KCNQ3: variants seen among roughly 807,000 people sequenced by gnomAD.
KCNQ3 encodes potassium voltage-gated channel subfamily Q member 3.
Under a neutral mutation model 92.5 loss-of-function variants are expected in KCNQ3, and 30 were observed. The ratio of observed to expected loss-of-function variants is 0.32; its 90% CI spans 0.24 to 0.44. The LOEUF (loss-of-function observed/expected upper bound fraction) is 0.44, where lower values mean the gene tolerates loss of function less well. Ranked by LOEUF, KCNQ3 falls within the 20% of genes least tolerant of loss-of-function variation. The probability of loss-of-function intolerance (pLI) is 1.00; values close to 1 mark genes in which losing one functional copy is unlikely to be tolerated. For synonymous variants in KCNQ3, 450 were observed against 468.8 expected, an observed-to-expected ratio of 0.96 and a Z score of 0.52; for missense variants, 913 against 1,140.3, an observed-to-expected ratio of 0.80 and a Z score of 2.87.
At chr8:132,221,326 T>C (rs1171981743) in intron 1 of KCNQ3, among the ~76,000 whole-genome samples, 1 of 152,244 alleles carries the variant, frequency 6.6e-6, no homozygotes, top group African/African-American at 2.4e-5. Flanking sequence ...TTTGGGTATA[T>C]ACCCAGTAAT....
chr8:132,308,161 G>T (rs1817487284), intron 1 of KCNQ3, among the ~76,000 whole-genome samples: 1 of 152,200 alleles, frequency 6.6e-6, no homozygotes, highest in Admixed American at 6.5e-5. Context: ...CCAGGTTTGA[G>T]GTTGAATAAA....
chr8:132,197,931 G>T (rs1827349063), intron 1 of KCNQ3, among the ~76,000 whole-genome samples: 1 of 152,196 alleles, frequency 6.6e-6, no homozygotes, highest in African/African-American at 2.4e-5. Context: ...TCAGAGTCCA[G>T]CTGTGGCAAG....
intron 9 of KCNQ3, among the ~76,000 whole-genome samples, chr8:132,154,193 G>GGTTTTTTTTTTTTTT: frequency 3.6e-5 from 1 of 27,494 alleles, no homozygotes; most frequent in East Asian, 1.2e-3. Context: ...AAGGGTAAAA[G>GGTTTTTTTTTTTTTT]TTTTTTTTTT....
intron 1 of KCNQ3, among the ~76,000 whole-genome samples, chr8:132,282,417 C>G (rs1488673893): frequency 6.6e-6 from 1 of 152,162 alleles, no homozygotes; most frequent in Non-Finnish European, 1.5e-5. Flanking sequence ...TGTTCCCAGT[C>G]CCATCTGTCC....
At chr8:132,455,649 TA>T (rs1821921940) in intron 1 of KCNQ3, among the ~76,000 whole-genome samples, 2 of 152,248 alleles carry the variant, frequency 1.3e-5, no homozygotes, top group Admixed American at 6.5e-5. Flanking sequence ...AGCAGATACT[TA>T]CACTCTCATT....
chr8:132,200,775 G>A (rs1043944980), intron 1 of KCNQ3, among the ~76,000 whole-genome samples: 14 of 152,118 alleles, frequency 9.2e-5, no homozygotes, highest in South Asian at 2.1e-4. Context: ...GTTATCATGC[G>A]TTTCTTCCTG....
At chr8:132,214,998 A>G (rs939028290) in intron 1 of KCNQ3, among the ~76,000 whole-genome samples, 3 of 152,240 alleles carry the variant, frequency 2.0e-5, no homozygotes, top group Non-Finnish European at 4.4e-5. Flanking sequence ...GGGACATGTG[A>G]TCACTTCCAA....
At chr8:132,298,687 A>C (rs754557299) in intron 1 of KCNQ3, among the ~76,000 whole-genome samples, 2 of 152,164 alleles carry the variant, frequency 1.3e-5, no homozygotes, top group Non-Finnish European at 2.9e-5. Context: ...GCAGGCGATC[A>C]CCTGAGGTCA....
intron 1 of KCNQ3, among the ~76,000 whole-genome samples, chr8:132,338,606 G>T (rs73343811): frequency 0.015 from 2,262 of 152,258 alleles, 52 homozygotes; most frequent in African/African-American, 0.05. Context: ...GTGTTCAGAG[G>T]GAAGCCGAGG....
intron 1 of KCNQ3, among the ~76,000 whole-genome samples, chr8:132,354,193 G>A (rs1818951580): frequency 1.3e-5 from 2 of 152,148 alleles, no homozygotes; most frequent in Admixed American, 1.3e-4. Context: ...ATATCTGCAG[G>A]AGAGGCAGCT....
chr8:132,261,914 A>C (rs569764102), intron 1 of KCNQ3, among the ~76,000 whole-genome samples: 1 of 152,348 alleles, frequency 6.6e-6, no homozygotes, highest in Non-Finnish European at 1.5e-5. Context: ...ACAAATGCTC[A>C]TAACAGCATT....
intron 1 of KCNQ3, among the ~76,000 whole-genome samples, chr8:132,285,553 A>G (rs1428537599): frequency 1.3e-5 from 2 of 152,230 alleles, no homozygotes; most frequent in Non-Finnish European, 2.9e-5. Context: ...AACTGTTTAC[A>G]GTGAGCTGCT....
intron 1 of KCNQ3, among the ~76,000 whole-genome samples, chr8:132,446,822 C>T (rs1055763625): frequency 1.3e-5 from 2 of 152,148 alleles, no homozygotes; most frequent in African/African-American, 2.4e-5. Flanking sequence ...AGGCTTGTTA[C>T]AAGCAGGCTG....
intron 1 of KCNQ3, among the ~76,000 whole-genome samples, chr8:132,460,362 G>T (rs1289742448): frequency 6.6e-6 from 1 of 152,114 alleles, no homozygotes; most frequent in Non-Finnish European, 1.5e-5. Context: ...TTAAACATGA[G>T]TTTACATGCA....
At chr8:132,237,104 A>T (rs1420902557) in intron 1 of KCNQ3, among the ~76,000 whole-genome samples, 1 of 152,160 alleles carries the variant, frequency 6.6e-6, no homozygotes, top group Non-Finnish European at 1.5e-5. Flanking sequence ...CAGATTTTTG[A>T]CCTATAGAGC....
Position 132,196,473 on chromosome 8 carries a change from C to T in KCNQ3, c.387-10292G>A, listed in dbSNP as rs116449255. On this transcript the variant is annotated intron_variant, in intron 1 of 14. Transcript: ENST00000388996. ...ATTCAATGATGAACAGAGCACATCA[C>T]TTTGTGCTTGCACCCCGTGCCACTG... Among the ~76,000 whole-genome samples the T allele has an allele frequency of 9.4e-3, 1,436 of 152,340 alleles. 21 individuals carry two copies. Among genetic ancestry groups the T allele is most frequent in the African/African-American group, 0.033 (1,356 of 41,572 alleles).
At chr8:132,214,644 T>A (rs1813968352) in intron 1 of KCNQ3, among the ~76,000 whole-genome samples, 1 of 152,228 alleles carries the variant, frequency 6.6e-6, no homozygotes, top group Non-Finnish European at 1.5e-5. Context: ...CAAAGCGTCT[T>A]CATCTTGATG....
At chr8:132,213,899 TG>T (rs1813945043) in intron 1 of KCNQ3, among the ~76,000 whole-genome samples, 1 of 152,214 alleles carries the variant, frequency 6.6e-6, no homozygotes, top group African/African-American at 2.4e-5. Flanking sequence ...TCAAATGGGA[TG>T]TTTTTTTCTC....
chr8:132,140,342 C>T, intron 10 of KCNQ3, 164 bp from the exon 11 acceptor site: 1 of 593,030 alleles, frequency 1.7e-6, no homozygotes, highest in South Asian at 2.1e-5. Context: ...TGATGCTGTT[C>T]AGCCTTTCTT....
Sources: gnomAD v4.1 joint callset for allele counts (sites outside exome capture counted in the v4.1 genomes callset) on GRCh38, gnomAD v4.1.1 for gene constraint, MANE v1.5 for transcripts, NCBI Gene and HGNC (gene_info 2026-07-23, HGNC 2026-07-21) for gene names.